ZRANB1: variants seen among roughly 807,000 people sequenced by gnomAD.
The protein encoded by ZRANB1 is zinc finger RANBP2-type containing 1.
ZRANB1 carries 16 observed loss-of-function variants against 80.5 expected under a neutral mutation model. The ratio of observed to expected loss-of-function variants is 0.20; its 90% CI spans 0.13 to 0.30. ZRANB1 has a LOEUF of 0.30. Ranked by LOEUF, ZRANB1 falls within the 10% of genes least tolerant of loss-of-function variation. The pLI is 1.00. For synonymous variants in ZRANB1, 291 were observed against 293.1 expected (o/e 0.99, Z 0.07); for missense variants, 576 against 862.6 (o/e 0.67, Z 4.16).
In ZRANB1 at chr10:124,961,156, C is replaced by A. The variant is rs59686378; in HGVS notation, c.815-5438C>A. ...AGCTGAGATGACAGGCGCACGCCCC[C>A]ACGCCCGGCTAATTTTTTTTTGTAT... On this transcript the variant is annotated intron_variant, in intron 1 of 8. Coordinates refer to ENST00000359653, the MANE Select transcript of ZRANB1 (RefSeq NM_017580.3). Among the ~76,000 whole-genome samples the A allele has an allele frequency of 4.4e-3, 670 of 152,178 alleles. 20 individuals carry two copies. The East Asian group carries it at 0.066, about 15-fold the overall frequency.
At chr10:124,957,336 A>C (rs1951695027) in intron 1 of ZRANB1, among the ~76,000 whole-genome samples, 1 of 151,846 alleles carries the variant, frequency 6.6e-6, no homozygotes, top group South Asian at 2.1e-4. Context: ...TTGAGGCAGC[A>C]CCTCCGATAC....
At chr10:124,941,830 A>G (rs1951538675), upstream of ZRANB1, among the ~76,000 whole-genome samples, 1 of 152,208 alleles carries the variant, frequency 6.6e-6, no homozygotes, top group Admixed American at 6.5e-5. Flanking sequence ...TTGAGGCTAC[A>G]GATTATCAAG....
At chr10:124,928,653 A>G in the ZRANB1 span, among the ~76,000 whole-genome samples, 431 of 152,364 alleles carry the variant, frequency 2.8e-3, 3 homozygotes, top group African/African-American at 0.01. Flanking sequence ...TGTTAAACGT[A>G]TACGAAATGT....
chr10:124,975,597 T>C (rs7096822), intron 5 of ZRANB1, among the ~76,000 whole-genome samples: 36,326 of 152,192 alleles, frequency 0.24, 4,475 homozygotes, highest in Admixed American at 0.33. Context: ...GTTTGACTTA[T>C]GTGGTATTTT....
chr10:124,971,041 C>G (rs760066796), intron 2 of ZRANB1, among the ~76,000 whole-genome samples: 5 of 152,034 alleles, frequency 3.3e-5, no homozygotes, highest in Non-Finnish European at 2.9e-5. Context: ...CCAGGCTGGT[C>G]TCAAACTGCT....
the ZRANB1 span, among the ~76,000 whole-genome samples, chr10:124,933,943 G>A: frequency 6.6e-6 from 1 of 152,186 alleles, no homozygotes; most frequent in Admixed American, 6.5e-5. Flanking sequence ...TGCTAGATTT[G>A]ACACAATGTA....
upstream of ZRANB1, among the ~76,000 whole-genome samples, chr10:124,937,261 G>C (rs192473082): frequency 2.1e-5 from 3 of 143,710 alleles, no homozygotes; most frequent in Non-Finnish European, 4.5e-5. Context: ...GTCTCGGCTC[G>C]CTGCAACCTC....
intron 1 of ZRANB1, chr10:124,945,354 G>A (rs1330395526): frequency 1.3e-5 from 2 of 148,414 alleles, no homozygotes; most frequent in Non-Finnish European, 1.5e-5. Context: ...GAGCTTTTAT[G>A]TTGGGTGTGA....
chr10:124,925,010 C>T, the ZRANB1 span, among the ~76,000 whole-genome samples: 3 of 151,754 alleles, frequency 2.0e-5, no homozygotes, highest in East Asian at 1.9e-4. Flanking sequence ...CGGGTTCAGG[C>T]GATTCTCATG....
At chr10:124,947,043 A>G (rs1951591590) in intron 1 of ZRANB1, among the ~76,000 whole-genome samples, 1 of 152,242 alleles carries the variant, frequency 6.6e-6, no homozygotes, top group Non-Finnish European at 1.5e-5. Context: ...GGAATGAGGA[A>G]GATTCAGTTG....
intron 2 of ZRANB1, among the ~76,000 whole-genome samples, chr10:124,968,246 T>TC (rs1441875660): frequency 6.6e-6 from 1 of 152,018 alleles, no homozygotes; most frequent in African/African-American, 2.4e-5. Context: ...GTGCAGAGAG[T>TC]CATATTAATT....
rs1292497489 is a variant in ZRANB1 at position 124,966,650 on chromosome 10, A to G, written c.871A>G (p.Ile291Val). Reference sequence around the variant, plus strand: ...AGCATACAAGTCATCAGGAGGAGACATTGCACGTCAGCTCACCGCAGATGA... The same window carrying G: ...AGCATACAAGTCATCAGGAGGAGACGTTGCACGTCAGCTCACCGCAGATGA... ...IEAYKSSGGD[I>V]ARQLTADEVR... Residue 291 changes from isoleucine (I) to valine (V), a missense_variant, in exon 2 of 9, where the codon ATT (isoleucine) becomes GTT (valine). Around this residue, in one of 3 missense-constraint regions of ZRANB1, gnomAD observed 411 missense variants for 583.1 expected, o/e 0.70. Transcript: ENST00000359653. 1 of 1,614,168 alleles carries G rather than the reference A, an allele frequency of 6.2e-7. No homozygotes were observed.
rs745923978 is a variant in ZRANB1 at position 124,942,580 on chromosome 10, C to T, written c.87C>T (p.Ala29=). 2 of 1,614,020 alleles carry T rather than the reference C, an allele frequency of 1.2e-6. No homozygotes were observed. The highest frequency in any genetic ancestry group is 1.7e-6 in the Non-Finnish European group (2 of 1,180,012). Residue 29 remains alanine (A), a synonymous_variant, in exon 1 of 9, where the codon GCC becomes GCT. Transcript: ENST00000359653. ...PSAIKCTMCR[A]QRPSGTIITE... is the part of the protein sequence containing the mutation. ...CAATCAAGTGTACTATGTGTCGTGC[C>T]CAAAGACCTAGTGGAACAATTATTA...
intron 1 of ZRANB1, among the ~76,000 whole-genome samples, chr10:124,944,512 A>C (rs1175214053): frequency 1.0e-5 from 1 of 96,692 alleles, no homozygotes. Context: ...CCAAGATGGG[A>C]TCTCACTCTG....
At chr10:124,957,496 C>T (rs528486357) in intron 1 of ZRANB1, among the ~76,000 whole-genome samples, 10 of 152,016 alleles carry the variant, frequency 6.6e-5, no homozygotes, top group African/African-American at 2.4e-4. Flanking sequence ...CCATTTCTAC[C>T]ATTCTCTCTA....
the ZRANB1 span, among the ~76,000 whole-genome samples, chr10:124,918,262 C>T: frequency 6.6e-6 from 1 of 152,192 alleles, no homozygotes; most frequent in African/African-American, 2.4e-5. Flanking sequence ...GCTATCTCGG[C>T]TCACCGCAAC....
At chr10:124,944,160 A>G (rs1184073885) in intron 1 of ZRANB1, among the ~76,000 whole-genome samples, 1 of 152,234 alleles carries the variant, frequency 6.6e-6, no homozygotes, top group East Asian at 1.9e-4. Context: ...GTAATTCACA[A>G]AAGCAGTGAC....
chr10:124,963,113 A>G (rs1031908453), intron 1 of ZRANB1, among the ~76,000 whole-genome samples: 2 of 152,018 alleles, frequency 1.3e-5, no homozygotes, highest in Non-Finnish European at 2.9e-5. Context: ...TAAAAATACA[A>G]AAATTAGCTA....
chr10:124,948,514 CT>C (rs764851140), intron 1 of ZRANB1, among the ~76,000 whole-genome samples: 1,520 of 144,558 alleles, frequency 0.011, 27 homozygotes, highest in African/African-American at 0.032. Context: ...CTCTTGCCAC[CT>C]TTTTTTTTTT....
Sources: gnomAD v4.1 joint callset for allele counts (sites outside exome capture counted in the v4.1 genomes callset) on GRCh38, gnomAD v4.1.1 for gene constraint, gnomAD v4.1.1 regional missense constraint, MANE v1.5 for transcripts, NCBI Gene and HGNC (gene_info 2026-07-23, HGNC 2026-07-21) for gene names.